The following PKHD1 variants were observed in gnomAD, a reference collection of about 807,000 sequenced individuals.
PKHD1 encodes PKHD1 ciliary IPT domain containing fibrocystin/polyductin.
In PKHD1, 291 loss-of-function variants were observed where a neutral mutation model predicts 412.0. That is an observed-to-expected ratio of 0.71 (90% confidence interval 0.64 to 0.78). PKHD1 has a LOEUF of 0.78. Ranked by LOEUF, PKHD1 falls within the 30% of genes least tolerant of loss-of-function variation. PKHD1 has a pLI of 0.00. For synonymous variants in PKHD1, 1,777 were observed against 1,821.5 expected (o/e 0.98, Z 0.62); for missense variants, 4,825 against 4,950.7 (o/e 0.97, Z 0.76).
At chr6:51,741,794 G>A (rs1265490606) in intron 60 of PKHD1, among the ~76,000 whole-genome samples, 1 of 152,108 alleles carries the variant, frequency 6.6e-6, no homozygotes, top group Non-Finnish European at 1.5e-5. Context: ...TTGTATCAGG[G>A]TCTGCTTCTG....
chr6:51,651,341 T>C (rs1770932554), intron 61 of PKHD1, among the ~76,000 whole-genome samples: 1 of 152,146 alleles, frequency 6.6e-6, no homozygotes, highest in Admixed American at 6.5e-5. Context: ...GTTATAATAG[T>C]GCAATAAATC....
chr6:51,770,686 C>A (rs1383797903), intron 55 of PKHD1, among the ~76,000 whole-genome samples: 1 of 149,236 alleles, frequency 6.7e-6, no homozygotes, highest in Non-Finnish European at 1.5e-5. Flanking sequence ...ATTTTTTTCC[C>A]ACTGGTGATT....
At chr6:51,997,154 G>A (rs1797811705) in intron 35 of PKHD1, among the ~76,000 whole-genome samples, 1 of 152,216 alleles carries the variant, frequency 6.6e-6, no homozygotes, top group African/African-American at 2.4e-5. Context: ...GATACGAATA[G>A]GAAAGCAAGT....
At chr6:51,735,756 T>C (rs556860584) in intron 60 of PKHD1, among the ~76,000 whole-genome samples, 3 of 151,880 alleles carry the variant, frequency 2.0e-5, no homozygotes, top group African/African-American at 4.8e-5. Context: ...TGAGACCTCA[T>C]CTCTACGAAA....
chr6:51,662,630 TAAAAC>T (rs1773051752), intron 60 of PKHD1, among the ~76,000 whole-genome samples: 1 of 151,132 alleles, frequency 6.6e-6, no homozygotes, highest in Non-Finnish European at 1.5e-5. Flanking sequence ...CAAAACAAAA[TAAAAC>T]AATAGAGAAA....
chr6:51,722,082 CTTCTT>C, intron 60 of PKHD1: 1 of 1,612,392 alleles, frequency 6.2e-7, no homozygotes, highest in Non-Finnish European at 8.5e-7. Flanking sequence ...TGTCTCCACC[CTTCTT>C]TTCTTCTCGG....
chr6:52,007,819 C>T (rs1799284287), intron 35 of PKHD1, among the ~76,000 whole-genome samples: 1 of 152,164 alleles, frequency 6.6e-6, no homozygotes, highest in African/African-American at 2.4e-5. Context: ...CCACTGTGTG[C>T]CAGCCATAGT....
intron 27 of PKHD1, among the ~76,000 whole-genome samples, chr6:52,037,234 T>A (rs1804099867): frequency 6.6e-6 from 1 of 152,070 alleles, no homozygotes; most frequent in Non-Finnish European, 1.5e-5. Context: ...AATTCCCAAT[T>A]TATCAAATAT....
chr6:52,068,437 C>A (rs1234172049), intron 11 of PKHD1, among the ~76,000 whole-genome samples: 1 of 152,200 alleles, frequency 6.6e-6, no homozygotes. Context: ...CTCACAAAAA[C>A]CTTGGAGTGG....
chr6:52,024,446 T>G (rs1801837643), intron 32 of PKHD1, 128 bp downstream of exon 32: 1 of 873,942 alleles, frequency 1.1e-6, no homozygotes, highest in Non-Finnish European at 1.9e-6. Context: ...ATTGGGATTG[T>G]AAGAAGCCAG....
At position 52,083,041 on chromosome 6, in the gene PKHD1, G is replaced by A; in HGVS notation, c.130+137C>T. 5 of 703,650 alleles carry A rather than the reference G, an allele frequency of 7.1e-6. No homozygotes were observed. The South Asian group carries it at 7.7e-5, about 11-fold the overall frequency. The allele number at this position is 703,650 out of a possible 1,614,324, so 43.6% of individuals were successfully genotyped here. A position where few individuals can be genotyped will look rare whatever the true frequency, so the allele number is the denominator to read the frequency against. On this transcript the variant is annotated intron_variant, in intron 3 of 66. Coordinates refer to ENST00000371117, the MANE Select transcript of PKHD1 (RefSeq NM_138694.4). ...CAAGCCAGTATCTAGAAAGACAGAA[G>A]TTGGTCAGTCTGTTCGTCTCCCTTC...
chr6:51,616,794 G>A lies in PKHD1; in HGVS notation c.*2287C>T. On this transcript the variant is annotated 3_prime_UTR_variant, in exon 67 of 67. Transcript: ENST00000371117. Reference sequence around the variant, plus strand: ...AAAGACTGGTCTTGTGACACATAGAGGATAAATAAGAAGATAATAAAAATT... The same window carrying A: ...AAAGACTGGTCTTGTGACACATAGAAGATAAATAAGAAGATAATAAAAATT... 7.5e-6 allele frequency: 3 copies of A among 397,536 alleles called. No individual in the cohort carries two copies. The highest frequency in any genetic ancestry group is 1.3e-5 in the Non-Finnish European group (3 of 225,374). 24.6% of individuals were successfully genotyped at this position (397,536 alleles called of 1,614,324 possible).
chr6:52,046,977 C>T (rs954609396), intron 23 of PKHD1, among the ~76,000 whole-genome samples: 2 of 152,224 alleles, frequency 1.3e-5, no homozygotes, highest in South Asian at 2.1e-4. Context: ...TTCCACGCTG[C>T]CCTGAAGGGC....
rs762068294 is a variant in PKHD1, at chr6:52,058,511, G to T, written c.1324C>A (p.Pro442Thr). 3.6e-5 allele frequency: 58 copies of T among 1,614,028 alleles called. No homozygotes were observed. Among genetic ancestry groups the T allele is most frequent in the Non-Finnish European group, 4.8e-5 (57 of 1,180,028 alleles). ...RDEGTWQQKT[P>T]KLELLGGAMY... ...GCTCCACCCAACAGCTCCAACTTGG[G>T]AGTCTTCTGCTGCCAGGTCCCTTCA... The change falls in exon 16 of 67, where the codon CCC becomes ACC. Residue 442 changes from proline (P) to threonine (T), a missense_variant. Physicochemically the swap from Pro to Thr is conservative, Grantham distance 38 (BLOSUM62 -1). Transcript: ENST00000371117.
chr6:51,717,656 G>A (rs1169692824), intron 60 of PKHD1, among the ~76,000 whole-genome samples: 1 of 152,132 alleles, frequency 6.6e-6, no homozygotes, highest in Non-Finnish European at 1.5e-5. Context: ...TAAGTACACT[G>A]TATGATGCTA....
At chr6:51,623,585 AT>A (rs887123747) in intron 66 of PKHD1, among the ~76,000 whole-genome samples, 5 of 151,524 alleles carry the variant, frequency 3.3e-5, no homozygotes, top group African/African-American at 1.2e-4. Flanking sequence ...TTATTTATCT[AT>A]TTTTTTTATT....
intron 37 of PKHD1, among the ~76,000 whole-genome samples, chr6:51,925,973 TAAA>T (rs11430320): frequency 2.9e-5 from 4 of 140,312 alleles, no homozygotes; most frequent in Non-Finnish European, 4.6e-5. Flanking sequence ...CAATGCAGAT[TAAA>T]AAAAAAAAAA....
intron 55 of PKHD1, among the ~76,000 whole-genome samples, chr6:51,771,340 G>C (rs1790088998): frequency 6.6e-6 from 1 of 151,986 alleles, no homozygotes; most frequent in South Asian, 2.1e-4. Flanking sequence ...ATTTGTTTTA[G>C]GCCAGGCACG....
chr6:52,024,978 T>C lies in PKHD1; in HGVS notation c.4832A>G (p.Gln1611Arg), dbSNP rs1251481714. ...ACCGATGTTCACCGTCAGGCAGGTCTGCTGGTCAATATAGACTGACGTGGT... is the reference window on the plus strand; with the variant it reads ...ACCGATGTTCACCGTCAGGCAGGTCCGCTGGTCAATATAGACTGACGTGGT... ...QNTTSVYIDQ[Q>R]TCLTVNIGAE... The change falls in exon 32 of 67, where the codon CAG becomes CGG. Residue 1611 changes from glutamine (Q) to arginine (R), a missense_variant. Coordinates refer to ENST00000371117, the MANE Select transcript of PKHD1 (RefSeq NM_138694.4). 6.2e-7 allele frequency: 1 copy of C among 1,614,130 alleles called. No individual in the cohort carries two copies. Among genetic ancestry groups the C allele is most frequent in the Non-Finnish European group, 8.5e-7 (1 of 1,180,054 alleles).
Sources: allele counts gnomAD v4.1 joint callset (sites outside exome capture counted in the v4.1 genomes callset), GRCh38; gene constraint gnomAD v4.1.1; transcripts MANE v1.5; gene names NCBI Gene and HGNC (gene_info 2026-07-23, HGNC 2026-07-21).